Variants in SH3GLB1 observed in about 807,000 individuals in gnomAD.
SH3GLB1 encodes SH3 domain containing GRB2 like, endophilin B1.
In SH3GLB1, 17 loss-of-function variants were observed where a neutral mutation model predicts 42.0. That is an observed-to-expected ratio of 0.40 (90% CI 0.28 to 0.61). The LOEUF is 0.61. Among genes scored for constraint, SH3GLB1 ranks in the 20% least tolerant of loss-of-function variants. SH3GLB1 has a pLI of 0.36. For missense variants in SH3GLB1, 355 were observed against 426.3 expected, an observed-to-expected ratio of 0.83 and a Z score of 1.47; for synonymous variants, 132 against 146.6, an observed-to-expected ratio of 0.90 and a Z score of 0.72.
chr1:86,724,892 A>AAAAAAAAATATATATATATATATAT (rs1291454820), intron 5 of SH3GLB1, among the ~76,000 whole-genome samples: 10 of 99,672 alleles, frequency 1.0e-4, no homozygotes, highest in East Asian at 5.6e-4. Flanking sequence ...AAAAAAAAAA[A>AAAAAAAAATATATATATATATATAT]ATATATATAT....
rs1234483365 is a variant in SH3GLB1, at chr1:86,739,200, A to G, written c.762-3008A>G. Among the ~76,000 whole-genome samples the G allele has an allele frequency of 2.0e-5, 3 of 152,236 alleles. No homozygotes were observed. The East Asian group carries it at 5.8e-4, about 29-fold the overall frequency. ...TAATTAGAGAGTTGTCAGCATATCA[A>G]AGATATTTAAATCTGTGAGACTAGA... On this transcript the variant is annotated intron_variant, in intron 7 of 8. Transcript: ENST00000370558.
At chr1:86,736,179 C>G (rs1655767769) in intron 7 of SH3GLB1, among the ~76,000 whole-genome samples, 1 of 152,144 alleles carries the variant, frequency 6.6e-6, no homozygotes, top group Admixed American at 6.5e-5. Context: ...AGGGTCATAC[C>G]ATGAATGGCT....
chr1:86,706,406 T>C (rs1653871543), intron 1 of SH3GLB1, among the ~76,000 whole-genome samples: 1 of 152,234 alleles, frequency 6.6e-6, no homozygotes, highest in Non-Finnish European at 1.5e-5. Context: ...TTCTAAGTTC[T>C]AAAATCTGCA....
chr1:86,725,674 CTGG>C (rs1474460079), intron 5 of SH3GLB1, among the ~76,000 whole-genome samples: 2 of 152,124 alleles, frequency 1.3e-5, no homozygotes, highest in African/African-American at 4.8e-5. Flanking sequence ...TACCACAGTG[CTGG>C]TACTGTCTTA....
chr1:86,705,861 T>G (rs1653834860), intron 1 of SH3GLB1, among the ~76,000 whole-genome samples: 1 of 152,252 alleles, frequency 6.6e-6, no homozygotes, highest in African/African-American at 2.4e-5. Context: ...AGCAACAACA[T>G]TCTCTTTTGT....
intron 5 of SH3GLB1, among the ~76,000 whole-genome samples, chr1:86,724,925 A>G (rs1655109101): frequency 7.1e-6 from 1 of 140,992 alleles, no homozygotes; most frequent in South Asian, 2.2e-4. Flanking sequence ...AATATATAAT[A>G]TATATGTGTG....
intron 1 of SH3GLB1, among the ~76,000 whole-genome samples, chr1:86,706,979 TTAAG>T (rs1456877483): frequency 6.6e-6 from 1 of 152,206 alleles, no homozygotes; most frequent in African/African-American, 2.4e-5. Flanking sequence ...TTTTAAATAT[TTAAG>T]TGTCTACTGC....
intron 1 of SH3GLB1, among the ~76,000 whole-genome samples, chr1:86,711,312 A>G (rs1446362683): frequency 2.0e-5 from 3 of 152,108 alleles, no homozygotes; most frequent in African/African-American, 7.2e-5. Context: ...CTGTAGTAAA[A>G]GAAGGATTAC....
chr1:86,715,996 T>G (rs1262887584), intron 2 of SH3GLB1, 131 bp downstream of exon 2: 1 of 883,020 alleles, frequency 1.1e-6, no homozygotes, highest in African/African-American at 1.7e-5. Flanking sequence ...TGGGTTTTTT[T>G]GTGTGTGCTT....
chr1:86,730,392 G>A (rs756519072), intron 5 of SH3GLB1: 19 of 984,560 alleles, frequency 1.9e-5, no homozygotes, highest in Non-Finnish European at 2.2e-5. Flanking sequence ...TAGAAGGCAG[G>A]CGAAATGCTT....
intron 1 of SH3GLB1, among the ~76,000 whole-genome samples, chr1:86,706,466 T>TA (rs1653875318): frequency 6.6e-6 from 1 of 152,220 alleles, no homozygotes; most frequent in Non-Finnish European, 1.5e-5. Context: ...CTTCCTTCCC[T>TA]AAAATATGAT....
intron 1 of SH3GLB1, among the ~76,000 whole-genome samples, chr1:86,705,377 C>T (rs781188496): frequency 1.3e-5 from 2 of 152,158 alleles, no homozygotes; most frequent in Non-Finnish European, 1.5e-5. Context: ...TTCCTTTCGT[C>T]TCTCACCCTC....
intron 2 of SH3GLB1, 116 bp from the exon 3 acceptor site, chr1:86,719,391 G>A: frequency 1.5e-6 from 1 of 661,372 alleles, no homozygotes; most frequent in East Asian, 3.3e-5. Context: ...TAAGATATGT[G>A]CTTGAATGAA....
At position 86,704,837 on chromosome 1, in the gene SH3GLB1, C is replaced by G. The variant is rs904483073; in HGVS notation, c.-63C>G. The G allele has an allele frequency of 1.7e-5, 20 of 1,193,532 alleles. No homozygotes were observed. Among genetic ancestry groups the G allele is most frequent in the East Asian group, 6.0e-5 (2 of 33,392 alleles). 73.9% of individuals were successfully genotyped at this position (1,193,532 alleles called of 1,614,324 possible). ...GCCGCTCTAGCCCTGCGCCCCAGCC[C>G]GGCCGCGGCACCTCCGCCTCGCCGC... On this transcript the variant is annotated 5_prime_UTR_variant, in exon 1 of 9. Transcript: ENST00000370558.
intron 5 of SH3GLB1, chr1:86,730,425 A>G (rs778219776): frequency 1.8e-4 from 172 of 938,566 alleles, no homozygotes; most frequent in Non-Finnish European, 2.1e-4. Context: ...TTTAATAACA[A>G]TTTTTAAAAT....
intron 5 of SH3GLB1, among the ~76,000 whole-genome samples, chr1:86,725,615 A>G (rs1312629225): frequency 6.6e-6 from 1 of 152,154 alleles, no homozygotes; most frequent in Non-Finnish European, 1.5e-5. Flanking sequence ...TTCTGTTTCC[A>G]AGTCACTACC....
chr1:86,732,289 C>CT (rs1311674409), intron 5 of SH3GLB1, among the ~76,000 whole-genome samples: 1 of 152,162 alleles, frequency 6.6e-6, no homozygotes, highest in African/African-American at 2.4e-5. Context: ...ACTCTTCTGG[C>CT]TTACCTAACC....
At chr1:86,738,248 GTTTGTTTGT>G (rs1021729176) in intron 7 of SH3GLB1, among the ~76,000 whole-genome samples, 20 of 76,776 alleles carry the variant, frequency 2.6e-4, no homozygotes, top group African/African-American at 1.6e-3. Context: ...TTTGTTTTTT[GTTTGTTTGT>G]TTTGTTTTGT....
rs1215518202 is a variant in SH3GLB1 at position 86,742,254 on chromosome 1, C to T, written c.808C>T (p.Pro270Ser). Reference sequence around the variant, plus strand: ...TAACAACAATCAGACTTCTGTGACACCTGTACCATCAGTTTTACCAAATGC... The same window carrying T: ...TAACAACAATCAGACTTCTGTGACATCTGTACCATCAGTTTTACCAAATGC... Reference protein sequence around the residue: ...LSNNNQTSVTPVPSVLPNAIG... With the variant: ...LSNNNQTSVTSVPSVLPNAIG... The change falls in exon 8 of 9, where the codon CCT (proline) becomes TCT (serine). Residue 270 changes from proline to serine, a missense_variant. Transcript: ENST00000370558. The T allele has an allele frequency of 1.9e-6, 3 of 1,614,140 alleles. No homozygotes were observed. The highest frequency in any genetic ancestry group is 1.7e-5 in the Admixed American group (1 of 60,016).
Sources: allele counts gnomAD v4.1 joint callset (sites outside exome capture counted in the v4.1 genomes callset), GRCh38; gene constraint gnomAD v4.1.1; transcripts MANE v1.5; gene names NCBI Gene and HGNC (gene_info 2026-07-23, HGNC 2026-07-21).